SGCZ: variants seen among roughly 807,000 people sequenced by gnomAD.
The protein encoded by SGCZ is sarcoglycan zeta, also known as zeta-sarcoglycan.
SGCZ carries 40 observed loss-of-function variants against 41.3 expected under a neutral mutation model. That is an observed-to-expected ratio of 0.97 (90% confidence interval 0.75 to 1.26). SGCZ has a LOEUF of 1.26. Among genes scored for constraint, SGCZ ranks in the 50% most tolerant of loss-of-function variants. SGCZ has a pLI of 0.00. For missense variants in SGCZ, 552 were observed against 369.8 expected, an observed-to-expected ratio of 1.49 and a Z score of -4.04; for synonymous variants, 206 against 137.5, an observed-to-expected ratio of 1.50 and a Z score of -3.49.
intron 4 of SGCZ, among the ~76,000 whole-genome samples, chr8:14,170,384 C>G (rs1476101059): frequency 6.6e-6 from 1 of 152,006 alleles, no homozygotes; most frequent in Non-Finnish European, 1.5e-5. Context: ...TATTATATTT[C>G]TAACACTTGT....
intron 1 of SGCZ, among the ~76,000 whole-genome samples, chr8:14,897,312 C>T (rs933270163): frequency 6.6e-6 from 1 of 152,172 alleles, no homozygotes; most frequent in African/African-American, 2.4e-5. Context: ...AAGTTCCCAT[C>T]TGATAAAAGG....
At chr8:14,108,349 A>C in intron 5 of SGCZ, 114 bp from the exon 6 acceptor site, 2 of 858,216 alleles carry the variant, frequency 2.3e-6, no homozygotes, top group Non-Finnish European at 3.8e-6. Flanking sequence ...AAACAGGTAC[A>C]TATGATGTAT....
chr8:14,955,916 AC>A (rs1800776008), intron 1 of SGCZ, among the ~76,000 whole-genome samples: 1 of 152,122 alleles, frequency 6.6e-6, no homozygotes, highest in African/African-American at 2.4e-5. Context: ...CATTGAATGT[AC>A]CAATATTTTG....
At chr8:15,125,252 AT>A (rs987988794) in intron 1 of SGCZ, among the ~76,000 whole-genome samples, 8 of 152,274 alleles carry the variant, frequency 5.3e-5, no homozygotes, top group African/African-American at 1.9e-4. Flanking sequence ...TAATTGCTAT[AT>A]TTTTTGTTAC....
chr8:14,255,438 C>T (rs7817555), intron 3 of SGCZ, among the ~76,000 whole-genome samples: 18,975 of 152,014 alleles, frequency 0.12, 1,546 homozygotes, highest in East Asian at 0.23. Context: ...TAGCTTACTG[C>T]TTCTAATGCC....
intron 1 of SGCZ, among the ~76,000 whole-genome samples, chr8:14,589,127 A>T (rs1037787666): frequency 6.6e-6 from 1 of 152,142 alleles, no homozygotes; most frequent in Non-Finnish European, 1.5e-5. Flanking sequence ...TGGCACATGT[A>T]TACATATGTA....
intron 1 of SGCZ, among the ~76,000 whole-genome samples, chr8:14,574,501 G>T (rs1486916225): frequency 6.6e-6 from 1 of 152,192 alleles, no homozygotes; most frequent in Non-Finnish European, 1.5e-5. Context: ...AAGAAGAAAT[G>T]CTCTAACAAG....
chr8:14,582,047 C>T (rs934491969), intron 1 of SGCZ, among the ~76,000 whole-genome samples: 7 of 152,076 alleles, frequency 4.6e-5, no homozygotes, highest in South Asian at 2.1e-4. Context: ...GCCTACTCAA[C>T]GTGATGATGA....
At chr8:14,146,894 AAT>A (rs2116939878) in intron 5 of SGCZ, among the ~76,000 whole-genome samples, 1 of 128,378 alleles carries the variant, frequency 7.8e-6, no homozygotes, top group African/African-American at 3.4e-5. Flanking sequence ...TAAAAAAAAT[AAT>A]AATAATAATA....
rs150185192 is a variant in SGCZ at position 14,955,883 on chromosome 8, A to T, written c.39+281702T>A. 5.5e-3 allele frequency among the ~76,000 whole-genome samples: 832 copies of T among 152,242 alleles called. 8 individuals carry two copies. Among genetic ancestry groups the T allele is most frequent in the Middle Eastern group, 0.021 (6 of 292 alleles). Reference sequence around the variant, plus strand: ...ACTTCTTATGGTGTCTTTTGAATAAACAAGAGTTGTTCATTTTAATGCCAT... The same window carrying T: ...ACTTCTTATGGTGTCTTTTGAATAATCAAGAGTTGTTCATTTTAATGCCAT... On this transcript the variant is annotated intron_variant, in intron 1 of 7. Transcript: ENST00000382080.
At chr8:14,194,157 G>T (rs756635962) in intron 4 of SGCZ, among the ~76,000 whole-genome samples, 10 of 151,748 alleles carry the variant, frequency 6.6e-5, no homozygotes, top group Non-Finnish European at 1.3e-4. Flanking sequence ...TTGTTTGTTA[G>T]ACAACTATGT....
chr8:14,348,199 C>G (rs1298680756), intron 2 of SGCZ, among the ~76,000 whole-genome samples: 1 of 152,096 alleles, frequency 6.6e-6, no homozygotes, highest in Admixed American at 6.6e-5. Flanking sequence ...GACATGCAGA[C>G]CTTTATCCTG....
chr8:15,212,219 T>C (rs530958089), intron 1 of SGCZ, among the ~76,000 whole-genome samples: 1 of 152,118 alleles, frequency 6.6e-6, no homozygotes, highest in East Asian at 1.9e-4. Flanking sequence ...TGTTCTTAAT[T>C]TGAGTTGTTC....
intron 3 of SGCZ, among the ~76,000 whole-genome samples, chr8:14,264,155 A>C (rs1357159492): frequency 6.6e-6 from 1 of 152,230 alleles, no homozygotes; most frequent in Non-Finnish European, 1.5e-5. Context: ...CCCTGGTCCC[A>C]GTGACCATGG....
chr8:15,001,241 G>A (rs1270181832), intron 1 of SGCZ, among the ~76,000 whole-genome samples: 4 of 152,286 alleles, frequency 2.6e-5, no homozygotes, highest in South Asian at 2.1e-4. Context: ...GAACTGTATC[G>A]TCACATTTCT....
Position 14,325,743 on chromosome 8 carries a change from CACACATATATATATAT to C in SGCZ, c.235-1555_235-1540del, listed in dbSNP as rs1162687140. Among the ~76,000 whole-genome samples the C allele has an allele frequency of 6.8e-3, 455 of 66,768 alleles. 2 individuals are homozygous for C. The highest frequency in any genetic ancestry group is 0.018 in the East Asian group (45 of 2,466). 43.8% of individuals were successfully genotyped at this position (66,768 alleles called of 152,430 possible). ...ATACACACACACACACACACACACA[CACACATATATATATAT>C]ATATATATATATATATATATATATA... On this transcript the variant is annotated intron_variant, in intron 2 of 7. Transcript: ENST00000382080.
intron 2 of SGCZ, among the ~76,000 whole-genome samples, chr8:14,552,062 T>C (rs970111962): frequency 7.2e-6 from 1 of 138,474 alleles, no homozygotes; most frequent in African/African-American, 2.7e-5. Flanking sequence ...TGTAGATCAA[T>C]AGTACTCCCC....
At chr8:15,084,612 C>T (rs559373491) in intron 1 of SGCZ, among the ~76,000 whole-genome samples, 2 of 151,888 alleles carry the variant, frequency 1.3e-5, no homozygotes, top group Admixed American at 1.3e-4. Flanking sequence ...ATTAGCTGGG[C>T]GTGGTAATGC....
intron 1 of SGCZ, among the ~76,000 whole-genome samples, chr8:15,061,895 C>T (rs903719122): frequency 2.0e-5 from 3 of 152,194 alleles, no homozygotes; most frequent in African/African-American, 7.2e-5. Context: ...AAATTTCACA[C>T]AAAGCTATTT....
Sources: gnomAD v4.1 joint callset for allele counts (sites outside exome capture counted in the v4.1 genomes callset) on GRCh38, gnomAD v4.1.1 for gene constraint, MANE v1.5 for transcripts, NCBI Gene and HGNC (gene_info 2026-07-23, HGNC 2026-07-21) for gene names.